Variants in CDO1 observed in about 807,000 individuals in gnomAD.
The protein encoded by CDO1 is cysteine dioxygenase, type I.
A neutral mutation model predicts 24.5 loss-of-function variants in CDO1; 19 were observed. The ratio of observed to expected loss-of-function variants is 0.77; its 90% CI spans 0.54 to 1.14. The LOEUF (loss-of-function observed/expected upper bound fraction) is 1.14, where lower values mean the gene tolerates loss of function less well. CDO1 is among the 50% of genes most tolerant of loss of function. The pLI is 0.00. For synonymous variants in CDO1, 91 were observed against 87.0 expected (o/e 1.05, Z -0.26); for missense variants, 244 against 244.8 (o/e 1.00, Z 0.02).
intron 1 of CDO1, 124 bp downstream of exon 1, chr5:115,816,104 A>T: frequency 1.8e-6 from 1 of 556,036 alleles, no homozygotes. Context: ...CGAGGGGGCG[A>T]GCGGCGGACG....
intron 1 of CDO1, among the ~76,000 whole-genome samples, chr5:115,815,183 ATTC>A (rs1349492744): frequency 1.3e-5 from 2 of 152,196 alleles, no homozygotes; most frequent in East Asian, 3.8e-4. Flanking sequence ...TTCTTTCCTT[ATTC>A]TTTTCTTTCA....
rs1395723923 is a variant in CDO1 at position 115,812,371 on chromosome 5, CTAAAGA to C, written c.248+804_248+809del. Among the ~76,000 whole-genome samples the C allele has an allele frequency of 1.1e-4, 16 of 152,260 alleles. No individual in the cohort carries two copies. The East Asian group carries it at 2.7e-3, about 26-fold the overall frequency. ...GATAATAAGACTGTCAAACGTGAAA[CTAAAGA>C]TAAATTAAGGAGCTAAGTTTCAAAG... On this transcript the variant is annotated intron_variant, in intron 2 of 4. Coordinates refer to ENST00000250535, the MANE Select transcript of CDO1 (RefSeq NM_001801.3).
At chr5:115,814,812 G>A (rs1057489882) in intron 1 of CDO1, among the ~76,000 whole-genome samples, 3 of 152,202 alleles carry the variant, frequency 2.0e-5, no homozygotes, top group African/African-American at 7.2e-5. Context: ...AGAAGACCTA[G>A]TGCAAGTCAT....
chr5:115,810,013 AC>A (rs964375698), intron 3 of CDO1, among the ~76,000 whole-genome samples: 1 of 152,150 alleles, frequency 6.6e-6, no homozygotes, highest in Non-Finnish European at 1.5e-5. Context: ...TAAAAAGCTT[AC>A]CTATTCTTAA....
chr5:115,809,241 A>G (rs1398230423), intron 3 of CDO1, among the ~76,000 whole-genome samples: 1 of 152,154 alleles, frequency 6.6e-6, no homozygotes, highest in Non-Finnish European at 1.5e-5. Flanking sequence ...CATTATTATT[A>G]TATTTTGATC....
At position 115,815,734 on chromosome 5, in the gene CDO1, G is replaced by A. The variant is rs890568995; in HGVS notation, c.170+494C>T. ...TTCAACATCACACACTTCTCCCGAT[G>A]GCTGATGTAGTGCTCCCCTGGGAGC... On this transcript the variant is annotated intron_variant, in intron 1 of 4. Transcript: ENST00000250535. Among the ~76,000 whole-genome samples the A allele has an allele frequency of 3.9e-5, 6 of 152,204 alleles. No individual in the cohort carries two copies. In the East Asian group the frequency reaches 1.2e-3, roughly 29 times the overall value.
intron 2 of CDO1, among the ~76,000 whole-genome samples, chr5:115,812,675 GT>G (rs765919737): frequency 7.2e-5 from 11 of 152,160 alleles, no homozygotes; most frequent in Non-Finnish European, 1.5e-4. Flanking sequence ...GTTTTAATAT[GT>G]GTAGTGTATG....
chr5:115,810,892 T>C (rs972190202), intron 3 of CDO1, among the ~76,000 whole-genome samples: 1 of 152,222 alleles, frequency 6.6e-6, no homozygotes, highest in Non-Finnish European at 1.5e-5. Flanking sequence ...TGAAGTAAAT[T>C]CATATTTTAT....
At chr5:115,808,876 T>G (rs1170316445) in intron 3 of CDO1, among the ~76,000 whole-genome samples, 1 of 152,222 alleles carries the variant, frequency 6.6e-6, no homozygotes, top group African/African-American at 2.4e-5. Flanking sequence ...GCTTTGTGCT[T>G]TCTTCTTTAT....
At chr5:115,811,716 C>T (rs1240672121) in intron 2 of CDO1, among the ~76,000 whole-genome samples, 1 of 152,170 alleles carries the variant, frequency 6.6e-6, no homozygotes, top group Non-Finnish European at 1.5e-5. Context: ...TTAAGACAAT[C>T]ATCCATAGTA....
chr5:115,815,740 T>C (rs1004665978), intron 1 of CDO1, among the ~76,000 whole-genome samples: 8 of 152,176 alleles, frequency 5.3e-5, no homozygotes, highest in Non-Finnish European at 1.2e-4. Flanking sequence ...CGATGGCTGA[T>C]GTAGTGCTCC....
At chr5:115,813,828 G>T (rs1760307928) in intron 1 of CDO1, 1 of 152,754 alleles carries the variant, frequency 6.5e-6, no homozygotes, top group African/African-American at 2.4e-5. Context: ...GTGAAGTAAA[G>T]AACCCTCTAA....
At chr5:115,807,923 G>C (rs1760017311) in intron 3 of CDO1, among the ~76,000 whole-genome samples, 1 of 151,804 alleles carries the variant, frequency 6.6e-6, no homozygotes, top group Non-Finnish European at 1.5e-5. Context: ...GATCCCAAAA[G>C]TTTCTAGAAA....
At chr5:115,812,802 C>A (rs971159836) in intron 2 of CDO1, among the ~76,000 whole-genome samples, 1 of 151,924 alleles carries the variant, frequency 6.6e-6, no homozygotes, top group African/African-American at 2.4e-5. Context: ...AATCCCAGCA[C>A]TTTGGGATGC....
intron 2 of CDO1, 134 bp downstream of exon 2, chr5:115,813,047 C>CAAAAAA (rs1011228490): frequency 8.5e-5 from 13 of 152,740 alleles, no homozygotes; most frequent in Non-Finnish European, 1.3e-4. Flanking sequence ...ACCACTGTCT[C>CAAAAAA]AAAAAAAAAA....
Position 115,811,255 on chromosome 5 carries a change from CT to C in CDO1, c.308del (p.Lys103ArgfsTer23). 6.2e-7 allele frequency: 1 copy of C among 1,613,012 alleles called. No homozygotes were observed. Among genetic ancestry groups the C allele is most frequent in the Non-Finnish European group, 8.5e-7 (1 of 1,179,134 alleles). ...TGTCAGGCCAGGCAAATAATGTCTC[CT>C]TTAGATTTCCCTGTAGCATCTTCAG... ...CFLKMLQGNLKETLFAWPDKK... is the reference protein window; with the variant it reads ...CFLKMLQGNLXETLFAWPDKK... On this transcript the variant is annotated frameshift_variant, in exon 3 of 5. Transcript: ENST00000250535. LOFTEE classifies it high-confidence loss of function.
chr5:115,811,357 TA>T, intron 2 of CDO1, 42 bp from the exon 3 acceptor site: 2 of 1,504,636 alleles, frequency 1.3e-6, no homozygotes, highest in Non-Finnish European at 1.8e-6. Flanking sequence ...GTAGATGGTC[TA>T]GTATCCAGAC....
chr5:115,810,728 A>G lies in CDO1; in HGVS notation c.403+433T>C, dbSNP rs573871412. Among the ~76,000 whole-genome samples, 18 of 152,286 alleles carry G rather than the reference A, an allele frequency of 1.2e-4. No individual in the cohort carries two copies. In the South Asian group the frequency reaches 3.5e-3, roughly 30 times the overall value. On this transcript the variant is annotated intron_variant, in intron 3 of 4. Coordinates refer to ENST00000250535, the MANE Select transcript of CDO1 (RefSeq NM_001801.3). ...TCACTGGCCAATAACGTGCTTTGTA[A>G]AATTTCCCTCGAGGATACTTTTTAG...
chr5:115,809,421 T>A (rs1031004745), intron 3 of CDO1, among the ~76,000 whole-genome samples: 7 of 152,126 alleles, frequency 4.6e-5, no homozygotes, highest in Admixed American at 1.3e-4. Context: ...CTCCACCCTA[T>A]GTTGCATGCT....
Sources: gnomAD v4.1 joint callset for allele counts (sites outside exome capture counted in the v4.1 genomes callset) on GRCh38, gnomAD v4.1.1 for gene constraint, MANE v1.5 for transcripts, NCBI Gene and HGNC (gene_info 2026-07-23, HGNC 2026-07-21) for gene names.